The following ADAM9 variants were observed in gnomAD, a reference collection of about 807,000 sequenced individuals.
ADAM9 encodes the protein disintegrin and metalloproteinase domain-containing protein 9.
In ADAM9, 54 loss-of-function variants were observed where a neutral mutation model predicts 108.1. That is an observed-to-expected ratio of 0.50 (90% CI 0.40 to 0.63). ADAM9 has a LOEUF of 0.63. Ranked by LOEUF, ADAM9 falls within the 20% of genes least tolerant of loss-of-function variation. The pLI, the probability that ADAM9 is intolerant of heterozygous loss-of-function variation, is 0.00. For missense variants in ADAM9, 830 were observed against 997.7 expected (o/e 0.83, Z 2.26); for synonymous variants, 316 against 336.0 (o/e 0.94, Z 0.65).
intron 14 of ADAM9, among the ~76,000 whole-genome samples, chr8:39,061,670 A>G (rs1274654788): frequency 2.0e-5 from 3 of 151,618 alleles, no homozygotes; most frequent in Non-Finnish European, 4.4e-5. Flanking sequence ...CTGCCATCTG[A>G]TGAGGGTCGT....
intron 8 of ADAM9, among the ~76,000 whole-genome samples, chr8:39,022,451 C>T (rs1020874711): frequency 3.9e-5 from 6 of 152,030 alleles, no homozygotes; most frequent in South Asian, 2.1e-4. Flanking sequence ...ATAACACCTT[C>T]GACAGGATCT....
chr8:39,049,775 A>T (rs1301016234), intron 12 of ADAM9, among the ~76,000 whole-genome samples: 1 of 152,150 alleles, frequency 6.6e-6, no homozygotes, highest in Non-Finnish European at 1.5e-5. Flanking sequence ...CTAAATTTAC[A>T]CTAGAAGTGA....
chr8:39,078,938 A>T (rs1227498454), intron 16 of ADAM9, among the ~76,000 whole-genome samples: 1 of 152,204 alleles, frequency 6.6e-6, no homozygotes, highest in African/African-American at 2.4e-5. Flanking sequence ...TAAGTGCTTA[A>T]TATTTACATA....
Position 38,997,086 on chromosome 8 carries a change from C to T in ADAM9, c.23C>T (p.Pro8Leu), listed in dbSNP as rs760392861. 1.2e-6 allele frequency: 2 copies of T among 1,607,540 alleles called. No homozygotes were observed. The highest frequency in any genetic ancestry group is 1.7e-4 in the Middle Eastern group (1 of 6,060). ...GAGATGGGGTCTGGCGCGCGCTTTC[C>T]CTCGGGGACCCTTCGTGTCCGGTGG... MGSGARFPSGTLRVRWLL... is the reference protein window; with the variant it reads MGSGARFLSGTLRVRWLL... Residue 8 changes from proline (P) to leucine (L), a missense_variant, in exon 1 of 22, where the codon CCC becomes CTC. Pro to Leu is a moderately conservative substitution (Grantham distance 98). Around this residue, in one of 3 missense-constraint regions of ADAM9, gnomAD observed 211 missense variants for 222.2 expected, o/e 0.95. Transcript: ENST00000487273.
At chr8:39,083,161 A>G (rs1839075495) in intron 18 of ADAM9, 88 bp downstream of exon 18, 5 of 920,686 alleles carry the variant, frequency 5.4e-6, no homozygotes, top group East Asian at 2.6e-5. Flanking sequence ...CACTTCCCAC[A>G]TCAGTTATAC....
At chr8:39,002,053 A>G (rs1242281447) in intron 1 of ADAM9, among the ~76,000 whole-genome samples, 1 of 149,386 alleles carries the variant, frequency 6.7e-6, no homozygotes, top group East Asian at 1.9e-4. Flanking sequence ...AAAAAAAAAA[A>G]GGCAAAAACT....
At chr8:39,017,506 T>A in intron 6 of ADAM9, 92 bp downstream of exon 6, 1 of 1,395,830 alleles carries the variant, frequency 7.2e-7, no homozygotes, top group Non-Finnish European at 9.9e-7. Context: ...AGTAGTGTTT[T>A]TTTTTCTTTT....
Position 39,041,940 on chromosome 8 carries a change from T to C in ADAM9, c.1131-6T>C, listed in dbSNP as rs372413794. 5.0e-6 allele frequency: 8 copies of C among 1,613,454 alleles called. No homozygotes were observed. The African/African-American group carries it at 1.1e-4, about 22-fold the overall frequency. On this transcript the variant is annotated splice_polypyrimidine_tract_variant and splice_region_variant and intron_variant, in intron 11 of 21. Coordinates refer to ENST00000487273, the MANE Select transcript of ADAM9 (RefSeq NM_003816.3). ...ACATAGATCTTTTTCTTAATGTTTA[T>C]TATAGGGGTTCCAGAAACTTTAGCA...
At chr8:39,021,986 A>G (rs1168347713) in intron 8 of ADAM9, among the ~76,000 whole-genome samples, 2 of 152,074 alleles carry the variant, frequency 1.3e-5, no homozygotes, top group Admixed American at 1.3e-4. Context: ...ATTTATGGAA[A>G]GATCTTTGAA....
intron 14 of ADAM9, 40 bp from the exon 15 acceptor site, chr8:39,071,258 A>C: frequency 6.3e-7 from 1 of 1,589,778 alleles, no homozygotes. Context: ...CTAAATTGCC[A>C]TAACTTTTTT....
In ADAM9 at chr8:39,092,859, A is replaced by C. The variant is rs569468261; in HGVS notation, c.2298+1513A>C. ...GAAGTTGTCCCAACACTATTAATTG[A>C]AGTGACTGTCCCTTCTTCATTGTGT... is the stretch of plus-strand genomic sequence containing the variant. On this transcript the variant is annotated intron_variant, in intron 20 of 21. Coordinates refer to ENST00000487273, the MANE Select transcript of ADAM9 (RefSeq NM_003816.3). Among the ~76,000 whole-genome samples the C allele has an allele frequency of 1.3e-4, 20 of 152,304 alleles. No homozygotes were observed. The South Asian group carries it at 3.7e-3, about 28-fold the overall frequency.
intron 18 of ADAM9, among the ~76,000 whole-genome samples, chr8:39,087,917 A>G (rs1839226412): frequency 6.6e-6 from 1 of 152,242 alleles, no homozygotes; most frequent in Non-Finnish European, 1.5e-5. Flanking sequence ...AGACTTACCA[A>G]TAACATAAAC....
chr8:39,091,352 T>G lies in ADAM9; in HGVS notation c.2298+6T>G. 1.2e-6 allele frequency: 2 copies of G among 1,611,242 alleles called. No homozygotes were observed. The highest frequency in any genetic ancestry group is 1.7e-6 in the Non-Finnish European group (2 of 1,177,466). On this transcript the variant is annotated splice_donor_region_variant and intron_variant, in intron 20 of 21. Transcript: ENST00000487273. The stretch of plus-strand genomic sequence containing the variant: ...TGACACCTCCCAGAGAAGTTGTAAG[T>G]ATAAAATGAAAAATTATTTTTCTTT...
At chr8:39,011,773 T>A (rs948007443) in intron 3 of ADAM9, 57 bp downstream of exon 3, 12 of 1,475,270 alleles carry the variant, frequency 8.1e-6, no homozygotes, top group African/African-American at 1.4e-5. Context: ...AGTATATTGG[T>A]TTTCTTTCTA....
intron 12 of ADAM9, among the ~76,000 whole-genome samples, chr8:39,050,684 T>G (rs1217438963): frequency 6.6e-6 from 1 of 152,138 alleles, no homozygotes; most frequent in African/African-American, 2.4e-5. Flanking sequence ...TCTATTGTTG[T>G]TAGCGCTCAG....
intron 11 of ADAM9, among the ~76,000 whole-genome samples, chr8:39,040,158 T>A (rs932550988): frequency 6.6e-6 from 1 of 152,168 alleles, no homozygotes; most frequent in African/African-American, 2.4e-5. Context: ...CAAGCGATTC[T>A]CCTACCTCAG....
chr8:39,048,693 TG>T (rs1837854217), intron 12 of ADAM9, among the ~76,000 whole-genome samples: 1 of 152,220 alleles, frequency 6.6e-6, no homozygotes, highest in Non-Finnish European at 1.5e-5. Context: ...ACTATTATTG[TG>T]TTGCTGTCTC....
chr8:39,026,745 G>A lies in ADAM9; in HGVS notation c.1065G>A (p.Met355Ile). ...ATGAATTGGGTCATAATCTTGGAAT[G>A]AATCACGATGATGGGAGAGATTGTT... The part of the protein sequence containing the change: ...VAHELGHNLG[M>I]NHDDGRDCSC... Residue 355 changes from methionine (M) to isoleucine (I), a missense_variant, in exon 11 of 22, where the codon ATG becomes ATA. Met to Ile is a conservative substitution (Grantham distance 10). This residue lies in a region of ADAM9 where 381 missense variants were observed against 539.8 expected (regional missense o/e 0.71). Transcript: ENST00000487273. 1 of 1,614,158 alleles carries A rather than the reference G, an allele frequency of 6.2e-7. No homozygotes were observed. Among genetic ancestry groups the A allele is most frequent in the Middle Eastern group, 1.7e-4 (1 of 6,060 alleles).
intron 20 of ADAM9, among the ~76,000 whole-genome samples, 191 bp downstream of exon 20, chr8:39,091,537 G>C (rs1442542506): frequency 6.6e-6 from 1 of 152,150 alleles, no homozygotes; most frequent in Non-Finnish European, 1.5e-5. Flanking sequence ...GCCCGGGGTG[G>C]AGTACTGTGG....
Sources: gnomAD v4.1 joint callset for allele counts (sites outside exome capture counted in the v4.1 genomes callset) on GRCh38, gnomAD v4.1.1 for gene constraint, gnomAD v4.1.1 regional missense constraint, MANE v1.5 for transcripts, NCBI Gene and HGNC (gene_info 2026-07-23, HGNC 2026-07-21) for gene names.